SGIP1: variants seen among roughly 807,000 people sequenced by gnomAD.
SGIP1 encodes the protein SH3-containing GRB2-like protein 3-interacting protein 1.
SGIP1 carries 38 observed loss-of-function variants against 107.5 expected under a neutral mutation model. The observed-to-expected ratio is 0.35, with a 90% CI of 0.27 to 0.46. SGIP1 has a LOEUF of 0.46. SGIP1 is among the 20% of genes least tolerant of loss of function. The probability of loss-of-function intolerance (pLI) is 1.00; values close to 1 mark genes in which losing one functional copy is unlikely to be tolerated. For missense variants in SGIP1, 929 were observed against 1,019.5 expected (o/e 0.91, Z 1.21); for synonymous variants, 365 against 366.1 (o/e 1.00, Z 0.03).
At chr1:66,689,557 G>T (rs530849823) in intron 16 of SGIP1, among the ~76,000 whole-genome samples, 16 of 152,316 alleles carry the variant, frequency 1.1e-4, no homozygotes, top group Non-Finnish European at 2.1e-4. Context: ...TAGAAAGAGA[G>T]GTGTTTCACA....
intron 1 of SGIP1, among the ~76,000 whole-genome samples, chr1:66,617,201 T>G (rs1470402548): frequency 6.6e-6 from 1 of 152,214 alleles, no homozygotes; most frequent in Admixed American, 6.5e-5. Context: ...ATGACTGCCT[T>G]GCACCAGGTA....
At chr1:66,697,602 G>T (rs2091173166) in intron 18 of SGIP1, among the ~76,000 whole-genome samples, 1 of 152,150 alleles carries the variant, frequency 6.6e-6, no homozygotes, top group Non-Finnish European at 1.5e-5. Context: ...CACTTCAAGG[G>T]AAGCCTTAGA....
In SGIP1 at chr1:66,749,596, C is replaced by A. The variant is rs1406496127; in HGVS notation, c.*6501C>A. On this transcript the variant is annotated 3_prime_UTR_variant, in exon 25 of 25. Transcript: ENST00000371037. Reference sequence around the variant, plus strand: ...AATCAAACTGAATCACTTTACATTTCTCTAAAGATAGTTCAGTTTTTAATC... The same window carrying A: ...AATCAAACTGAATCACTTTACATTTATCTAAAGATAGTTCAGTTTTTAATC... Among the ~76,000 whole-genome samples, 3 of 152,020 alleles carry A rather than the reference C, an allele frequency of 2.0e-5. No homozygotes were observed. The highest frequency in any genetic ancestry group is 4.8e-5 in the African/African-American group (2 of 41,416).
chr1:66,594,323 T>A (rs562893344), intron 1 of SGIP1, among the ~76,000 whole-genome samples: 7 of 152,240 alleles, frequency 4.6e-5, no homozygotes. Context: ...TTGTTCCAAT[T>A]CAACTATTAG....
At chr1:66,719,732 A>G (rs1436712976) in intron 19 of SGIP1, among the ~76,000 whole-genome samples, 1 of 152,190 alleles carries the variant, frequency 6.6e-6, no homozygotes, top group Non-Finnish European at 1.5e-5. Flanking sequence ...CAATGAGGAA[A>G]TTTATTGTCT....
intron 1 of SGIP1, among the ~76,000 whole-genome samples, chr1:66,599,625 A>T (rs190722115): frequency 1.3e-3 from 192 of 152,332 alleles, no homozygotes; most frequent in African/African-American, 4.3e-3. Context: ...ATCTTATTTA[A>T]CTACGGGTGT....
chr1:66,592,983 A>T (rs992715558), intron 1 of SGIP1, among the ~76,000 whole-genome samples: 1 of 137,670 alleles, frequency 7.3e-6, no homozygotes, highest in Non-Finnish European at 1.5e-5. Context: ...GATTCAAAAG[A>T]TCCTCCCACC....
chr1:66,544,694 C>T (rs1235467503), intron 1 of SGIP1, among the ~76,000 whole-genome samples: 1 of 152,082 alleles, frequency 6.6e-6, no homozygotes, highest in Non-Finnish European at 1.5e-5. Context: ...GTCTCAAAAA[C>T]AAACATACAT....
rs1424276919 is a variant in SGIP1 at position 66,733,839 on chromosome 1, C to A, written c.1990C>A (p.Pro664Thr). ...THLKKVSEQK[P>T]QATYYNVDML... Reference sequence around the variant, plus strand: ...CCTAAAGAAAGTGTCTGAACAAAAACCCCAGGCTACATATTATAACGTTGA... The same window carrying A: ...CCTAAAGAAAGTGTCTGAACAAAAAACCCAGGCTACATATTATAACGTTGA... The change falls in exon 21 of 25, where the codon CCC becomes ACC. Residue 664 changes from proline (P) to threonine (T), a missense_variant. By Grantham distance (38) the Pro-to-Thr change is conservative (BLOSUM62 -1). Around this residue, in one of 2 missense-constraint regions of SGIP1, gnomAD observed 341 missense variants for 430.9 expected, o/e 0.79. Transcript: ENST00000371037. The A allele has an allele frequency of 1.2e-6, 2 of 1,613,438 alleles. No individual in the cohort carries two copies. The highest frequency in any genetic ancestry group is 2.2e-5 in the South Asian group (2 of 91,004).
At chr1:66,684,229 T>G in intron 15 of SGIP1, 1 of 1,550,298 alleles carries the variant, frequency 6.5e-7, no homozygotes, top group Non-Finnish European at 8.7e-7. Context: ...CAGTGTGCTC[T>G]CCAGGCACTT....
intron 7 of SGIP1, among the ~76,000 whole-genome samples, chr1:66,648,210 G>T (rs1304169452): frequency 6.6e-6 from 1 of 152,166 alleles, no homozygotes; most frequent in Non-Finnish European, 1.5e-5. Flanking sequence ...GTAGCTCTCT[G>T]CAGTTGAGGC....
rs1450995973 is a variant in SGIP1, at chr1:66,747,613, G to T, written c.*4518G>T. Reference sequence around the variant, plus strand: ...CAAGGGACATTCAGATCTCTAACTTGTGAGTTGAACCTATTTATTTTGTAA... The same window carrying T: ...CAAGGGACATTCAGATCTCTAACTTTTGAGTTGAACCTATTTATTTTGTAA... On this transcript the variant is annotated 3_prime_UTR_variant, in exon 25 of 25. Transcript: ENST00000371037. 6.6e-6 allele frequency: 1 copy of T among 151,950 alleles called. No homozygotes were observed. The highest frequency in any genetic ancestry group is 1.5e-5 in the Non-Finnish European group (1 of 67,870). 9.4% of individuals were successfully genotyped at this position (151,950 alleles called of 1,614,324 possible).
At chr1:66,563,773 C>T (rs1327588424) in intron 1 of SGIP1, among the ~76,000 whole-genome samples, 6 of 151,972 alleles carry the variant, frequency 3.9e-5, no homozygotes, top group Non-Finnish European at 8.8e-5. Context: ...CCCTTCTAAC[C>T]AATGTCTTCC....
chr1:66,631,652 GCT>G (rs1203758991), intron 2 of SGIP1, among the ~76,000 whole-genome samples: 1 of 143,460 alleles, frequency 7.0e-6, no homozygotes, highest in South Asian at 2.1e-4. Flanking sequence ...TCTCTGCATT[GCT>G]CTCTCTCTCT....
rs372055499 is a variant in SGIP1 at position 66,589,940 on chromosome 1, C to T, written c.11-35907C>T. Among the ~76,000 whole-genome samples the T allele has an allele frequency of 4.4e-4, 67 of 151,350 alleles. No individual in the cohort carries two copies. In the South Asian group the frequency reaches 0.014, roughly 32 times the overall value. On this transcript the variant is annotated intron_variant, in intron 1 of 24. Transcript: ENST00000371037. ...ATAGACAGTGACACACAATTTGTCA[C>T]ATGATGATGGAATATTGCAGATTCT...
At chr1:66,697,805 A>G (rs996414056) in intron 18 of SGIP1, among the ~76,000 whole-genome samples, 1 of 152,168 alleles carries the variant, frequency 6.6e-6, no homozygotes, top group African/African-American at 2.4e-5. Flanking sequence ...CCTCGAGAGT[A>G]GTGCCCCCAC....
chr1:66,703,114 G>A (rs1403513106), intron 18 of SGIP1, among the ~76,000 whole-genome samples: 2 of 152,158 alleles, frequency 1.3e-5, no homozygotes, highest in Non-Finnish European at 2.9e-5. Context: ...ATTTATTTTT[G>A]CATTCAGTGC....
At chr1:66,628,972 A>G (rs906236877) in intron 2 of SGIP1, among the ~76,000 whole-genome samples, 6 of 152,224 alleles carry the variant, frequency 3.9e-5, no homozygotes, top group African/African-American at 1.4e-4. Flanking sequence ...TTTGCTTTTC[A>G]TGAACTCCCT....
rs1421311024 is a variant in SGIP1 at position 66,744,329 on chromosome 1, T to C, written c.*1234T>C. 2 of 152,162 alleles carry C rather than the reference T, an allele frequency of 1.3e-5. No homozygotes were observed. The highest frequency in any genetic ancestry group is 2.4e-5 in the African/African-American group (1 of 41,466). The allele number at this position is 152,162 out of a possible 1,614,324, so 9.4% of individuals were successfully genotyped here. A position where few individuals can be genotyped will look rare whatever the true frequency, so the allele number is the denominator to read the frequency against. Reference sequence around the variant, plus strand: ...AAAGGAGAGTTATCAAAAATGTATGTCGTTTCATCGTTGCAAGGTATAATA... The same window carrying C: ...AAAGGAGAGTTATCAAAAATGTATGCCGTTTCATCGTTGCAAGGTATAATA... On this transcript the variant is annotated 3_prime_UTR_variant, in exon 25 of 25. Coordinates refer to ENST00000371037, the MANE Select transcript of SGIP1 (RefSeq NM_032291.4).
Sources: gnomAD v4.1 joint callset for allele counts (sites outside exome capture counted in the v4.1 genomes callset) on GRCh38, gnomAD v4.1.1 for gene constraint, gnomAD v4.1.1 regional missense constraint, MANE v1.5 for transcripts, NCBI Gene and HGNC (gene_info 2026-07-23, HGNC 2026-07-21) for gene names.